THSD7A: variants seen among roughly 807,000 people sequenced by gnomAD.
THSD7A encodes the protein thrombospondin type 1 domain containing 7A, also known as thrombospondin type-1 domain-containing protein 7A.
THSD7A carries 96 observed loss-of-function variants against 231.3 expected under a neutral mutation model. That is an observed-to-expected ratio of 0.41 (90% CI 0.35 to 0.49). THSD7A has a LOEUF of 0.49. Ranked by LOEUF, THSD7A falls within the 20% of genes least tolerant of loss-of-function variation. The pLI, the probability that THSD7A is intolerant of heterozygous loss-of-function variation, is 0.05. For missense variants in THSD7A, 2,290 were observed against 2,070.2 expected, an observed-to-expected ratio of 1.11 and a Z score of -2.06; for synonymous variants, 940 against 743.3, an observed-to-expected ratio of 1.26 and a Z score of -4.30.
chr7:11,739,776 T>G (rs1023365047), intron 1 of THSD7A, among the ~76,000 whole-genome samples: 3 of 151,838 alleles, frequency 2.0e-5, no homozygotes, highest in Admixed American at 6.6e-5. Context: ...CTTTTCTTCT[T>G]ACACCTGTCG....
chr7:11,700,496 T>G (rs1006813133), intron 1 of THSD7A, among the ~76,000 whole-genome samples: 1 of 151,216 alleles, frequency 6.6e-6, no homozygotes, highest in Non-Finnish European at 1.5e-5. Flanking sequence ...AATAAATATA[T>G]TGACTCCAGT....
intron 1 of THSD7A, among the ~76,000 whole-genome samples, chr7:11,792,198 C>A (rs1783972688): frequency 6.6e-6 from 1 of 151,922 alleles, no homozygotes; most frequent in African/African-American, 2.4e-5. Flanking sequence ...TTACTGAGGT[C>A]GCTTGCCCTT....
intron 1 of THSD7A, among the ~76,000 whole-genome samples, chr7:11,804,946 C>T (rs1035677890): frequency 6.6e-6 from 1 of 152,118 alleles, no homozygotes; most frequent in Non-Finnish European, 1.5e-5. Flanking sequence ...TATTTTTCCT[C>T]GTTCATCATT....
At chr7:11,766,663 C>A (rs1526555) in intron 1 of THSD7A, among the ~76,000 whole-genome samples, 25,401 of 152,034 alleles carry the variant, frequency 0.17, 2,480 homozygotes, top group South Asian at 0.27. Flanking sequence ...ATATAATAAT[C>A]AGGAGGCTAT....
At chr7:11,591,469 C>T (rs146252217) in intron 3 of THSD7A, among the ~76,000 whole-genome samples, 118 of 152,088 alleles carry the variant, frequency 7.8e-4, no homozygotes, top group African/African-American at 2.8e-3. Flanking sequence ...GTCACTTTAA[C>T]GAAGATGCTT....
At chr7:11,587,771 A>T (rs535157599) in intron 4 of THSD7A, among the ~76,000 whole-genome samples, 1 of 152,214 alleles carries the variant, frequency 6.6e-6, no homozygotes, top group Non-Finnish European at 1.5e-5. Flanking sequence ...CTTTATGCTA[A>T]GGTAGTCAGT....
At chr7:11,675,207 C>A (rs990339139) in intron 1 of THSD7A, among the ~76,000 whole-genome samples, 141 of 152,122 alleles carry the variant, frequency 9.3e-4, no homozygotes, top group Middle Eastern at 3.4e-3. Context: ...CATGTGGGAC[C>A]CTGCTGTGAG....
intron 2 of THSD7A, among the ~76,000 whole-genome samples, chr7:11,624,416 T>G (rs976171381): frequency 6.6e-6 from 1 of 152,160 alleles, no homozygotes; most frequent in African/African-American, 2.4e-5. Flanking sequence ...TTTTGCCACC[T>G]GCTCCTTTAA....
At chr7:11,437,890 A>G (rs899996988) in intron 13 of THSD7A, among the ~76,000 whole-genome samples, 2 of 152,044 alleles carry the variant, frequency 1.3e-5, no homozygotes, top group African/African-American at 4.8e-5. Context: ...ACCCATATTC[A>G]TGATTATATT....
At chr7:11,559,724 T>C (rs981848502) in intron 4 of THSD7A, among the ~76,000 whole-genome samples, 3 of 152,018 alleles carry the variant, frequency 2.0e-5, no homozygotes, top group Admixed American at 1.3e-4. Flanking sequence ...GGTCACATTA[T>C]CAACTGAATA....
At chr7:11,585,439 T>G (rs891934504) in intron 4 of THSD7A, among the ~76,000 whole-genome samples, 2 of 152,180 alleles carry the variant, frequency 1.3e-5, no homozygotes, top group Non-Finnish European at 2.9e-5. Context: ...CAATAGGTTC[T>G]TGGAAGCCTT....
chr7:11,666,291 G>A (rs1430320821), intron 1 of THSD7A, among the ~76,000 whole-genome samples: 4 of 151,934 alleles, frequency 2.6e-5, no homozygotes, highest in South Asian at 2.1e-4. Flanking sequence ...ATACATTAAT[G>A]TTTCATATAC....
chr7:11,627,790 T>C (rs1317325989), intron 2 of THSD7A, among the ~76,000 whole-genome samples: 1 of 152,158 alleles, frequency 6.6e-6, no homozygotes, highest in African/African-American at 2.4e-5. Flanking sequence ...GTGAAGAATA[T>C]GTTCTGACTG....
chr7:11,567,387 A>G (rs1467641534), intron 4 of THSD7A, among the ~76,000 whole-genome samples: 2 of 152,226 alleles, frequency 1.3e-5, no homozygotes, highest in Non-Finnish European at 1.5e-5. Context: ...AACCGCCGTC[A>G]TGATTCAATT....
intron 6 of THSD7A, among the ~76,000 whole-genome samples, chr7:11,493,728 C>G (rs891974482): frequency 2.0e-5 from 3 of 152,008 alleles, no homozygotes; most frequent in Non-Finnish European, 4.4e-5. Flanking sequence ...ATCTCATGCT[C>G]TGAGTTGAAG....
chr7:11,811,319 T>C (rs959304200), intron 1 of THSD7A, among the ~76,000 whole-genome samples: 4 of 152,184 alleles, frequency 2.6e-5, no homozygotes, highest in South Asian at 2.1e-4. Flanking sequence ...TTCCTCTGGG[T>C]TAAAATTGCT....
intron 1 of THSD7A, chr7:11,821,235 T>C (rs1784864141): frequency 8.5e-7 from 1 of 1,177,656 alleles, no homozygotes; most frequent in South Asian, 1.2e-5. Context: ...GGGCTAACAG[T>C]TCTGAGGGTC....
At chr7:11,379,804 C>T (rs1782438607) in intron 24 of THSD7A, 92 bp from the exon 25 acceptor site, 2 of 1,358,458 alleles carry the variant, frequency 1.5e-6, no homozygotes, top group Non-Finnish European at 2.0e-6. Context: ...AATCTTGAAC[C>T]ACCTTGGGAA....
chr7:11,485,017 T>C (rs908769471), intron 6 of THSD7A, among the ~76,000 whole-genome samples: 2 of 150,004 alleles, frequency 1.3e-5, no homozygotes, highest in African/African-American at 4.9e-5. Flanking sequence ...CAGCCTCCCA[T>C]GTAGCTGGGA....
Sources: allele counts gnomAD v4.1 joint callset (sites outside exome capture counted in the v4.1 genomes callset), GRCh38; gene constraint gnomAD v4.1.1; transcripts MANE v1.5; gene names NCBI Gene and HGNC (gene_info 2026-07-23, HGNC 2026-07-21).